Variants in NDRG3 observed in about 807,000 individuals in gnomAD.
NDRG3 encodes the protein protein NDRG3.
NDRG3 carries 23 observed loss-of-function variants against 57.2 expected under a neutral mutation model. The observed-to-expected ratio is 0.40, with a 90% CI of 0.29 to 0.57. The LOEUF is 0.57. NDRG3 is among the 20% of genes least tolerant of loss of function. The pLI is 0.42. For synonymous variants in NDRG3, 132 were observed against 162.6 expected (o/e 0.81, Z 1.43); for missense variants, 384 against 457.3 (o/e 0.84, Z 1.46).
chr20:36,673,488 C>T (rs922319386), intron 8 of NDRG3, among the ~76,000 whole-genome samples: 2 of 151,902 alleles, frequency 1.3e-5, no homozygotes, highest in Non-Finnish European at 2.9e-5. Context: ...GTCACTGCAA[C>T]CTCCACCTCC....
intron 5 of NDRG3, among the ~76,000 whole-genome samples, chr20:36,685,524 T>C (rs1388363928): frequency 6.6e-6 from 1 of 152,144 alleles, no homozygotes; most frequent in African/African-American, 2.4e-5. Flanking sequence ...TTGCCAGGGC[T>C]GGTCTTGAAT....
chr20:36,725,020 G>A (rs1984835844), intron 1 of NDRG3, among the ~76,000 whole-genome samples: 1 of 152,126 alleles, frequency 6.6e-6, no homozygotes, highest in Admixed American at 6.6e-5. Flanking sequence ...AATCGGCCGG[G>A]CGCAGTGGCT....
intron 12 of NDRG3, among the ~76,000 whole-genome samples, 158 bp from the exon 13 acceptor site, chr20:36,660,542 T>A (rs1010470009): frequency 6.8e-6 from 1 of 147,378 alleles, no homozygotes; most frequent in African/African-American, 2.5e-5. Context: ...GGAGATATAT[T>A]TATTTATTTA....
intron 1 of NDRG3, among the ~76,000 whole-genome samples, chr20:36,739,909 C>CAAAAAA (rs774462877): frequency 4.8e-5 from 2 of 41,588 alleles, no homozygotes; most frequent in African/African-American, 8.1e-5. Flanking sequence ...GACTCCGTCT[C>CAAAAAA]AAAAAAAAAA....
chr20:36,719,328 G>A (rs1401349603), intron 2 of NDRG3, among the ~76,000 whole-genome samples: 4 of 150,690 alleles, frequency 2.7e-5, no homozygotes, highest in Non-Finnish European at 4.4e-5. Context: ...TTGGGAGGCT[G>A]AAGCAGGAGA....
chr20:36,711,132 A>G (rs2148177479), intron 2 of NDRG3, among the ~76,000 whole-genome samples: 1 of 150,376 alleles, frequency 6.6e-6, no homozygotes, highest in East Asian at 2.0e-4. Context: ...AAAAAAAAAA[A>G]ATAGCCGGGC....
At chr20:36,741,382 G>A (rs1985921401) in intron 1 of NDRG3, among the ~76,000 whole-genome samples, 1 of 152,116 alleles carries the variant, frequency 6.6e-6, no homozygotes, top group Admixed American at 6.6e-5. Context: ...CTGGCATATA[G>A]CAGACACTCT....
At chr20:36,678,701 A>G (rs1482139792) in intron 8 of NDRG3, among the ~76,000 whole-genome samples, 1 of 152,214 alleles carries the variant, frequency 6.6e-6, no homozygotes, top group Non-Finnish European at 1.5e-5. Flanking sequence ...CAACAGGATT[A>G]TCTATCTATA....
chr20:36,741,125 G>A (rs1336418430), intron 1 of NDRG3, among the ~76,000 whole-genome samples: 6 of 152,188 alleles, frequency 3.9e-5, no homozygotes. Context: ...AGGCTTGTCC[G>A]TTTTCTTCCA....
At chr20:36,693,303 A>G (rs1295307446) in intron 3 of NDRG3, among the ~76,000 whole-genome samples, 1 of 149,852 alleles carries the variant, frequency 6.7e-6, no homozygotes, top group Non-Finnish European at 1.5e-5. Context: ...ATGTGCAGAG[A>G]TGTACGGGTG....
In NDRG3 at chr20:36,653,786, T is replaced by A; in HGVS notation, c.947-85A>T. ...GGAGTCTCATCAAAGTCTTTATGTT[T>A]AGCTTTTCCGACTCATTTACCATGA... On this transcript the variant is annotated intron_variant, in intron 15 of 15. Coordinates refer to ENST00000349004, the MANE Select transcript of NDRG3 (RefSeq NM_032013.4). The surrounding 1 kb of genome is among the most constrained non-coding windows in gnomAD (Gnocchi z 4.2). The A allele has an allele frequency of 1.5e-6, 2 of 1,298,744 alleles. No homozygotes were observed. The highest frequency in any genetic ancestry group is 1.1e-6 in the Non-Finnish European group (1 of 939,980). 80.5% of individuals were successfully genotyped at this position (1,298,744 alleles called of 1,614,324 possible).
intron 3 of NDRG3, among the ~76,000 whole-genome samples, chr20:36,705,451 G>C (rs1321055146): frequency 6.6e-6 from 1 of 152,038 alleles, no homozygotes; most frequent in East Asian, 1.9e-4. Context: ...ATTATAACTG[G>C]TTTGCTTATA....
intron 3 of NDRG3, among the ~76,000 whole-genome samples, chr20:36,689,581 T>A (rs1982081362): frequency 6.6e-6 from 1 of 152,138 alleles, no homozygotes; most frequent in South Asian, 2.1e-4. Context: ...GAGCTGTCCT[T>A]CTGTGTCATC....
rs1555809923 is a variant in NDRG3 at position 36,746,082 on chromosome 20, G to GGCAGCAGCA, written c.-87_-86insTGCTGCTGC. ...CACCCGCCGTCAGTGCAGCAGCAGCGGCGGCGGCGGCGGCGGCGGCGGCGG... is the reference window on the plus strand; with the variant it reads ...CACCCGCCGTCAGTGCAGCAGCAGCGGCAGCAGCAGCGGCGGCGGCGGCGGCGGCGGCGG... On this transcript the variant is annotated 5_prime_UTR_variant, in exon 1 of 16. Coordinates refer to ENST00000349004, the MANE Select transcript of NDRG3 (RefSeq NM_032013.4). The GGCAGCAGCA allele has an allele frequency of 5.2e-5, 1 of 19,368 alleles. No homozygotes were observed. Among genetic ancestry groups the GGCAGCAGCA allele is most frequent in the African/African-American group, 3.8e-4 (1 of 2,650 alleles). The allele number at this position is 19,368 out of a possible 1,614,324, so 1.2% of individuals were successfully genotyped here.
chr20:36,700,136 T>C (rs6071949), intron 3 of NDRG3, among the ~76,000 whole-genome samples: 31,812 of 139,738 alleles, frequency 0.23, 4,694 homozygotes, highest in Middle Eastern at 0.37. Context: ...AAAAAAAAAG[T>C]AGATGAAGGA....
At chr20:36,734,565 G>A (rs973817445) in intron 1 of NDRG3, among the ~76,000 whole-genome samples, 2 of 152,088 alleles carry the variant, frequency 1.3e-5, no homozygotes, top group East Asian at 1.9e-4. Context: ...GGGGAGATAA[G>A]GTCTATAAAC....
At chr20:36,679,819 T>G (rs1468755980) in intron 8 of NDRG3, among the ~76,000 whole-genome samples, 1 of 149,404 alleles carries the variant, frequency 6.7e-6, no homozygotes, top group Admixed American at 6.7e-5. Flanking sequence ...GTAATTTATT[T>G]ATTTATTTAT....
chr20:36,682,040 G>A (rs1006690741), intron 7 of NDRG3, among the ~76,000 whole-genome samples: 7 of 151,992 alleles, frequency 4.6e-5, no homozygotes, highest in African/African-American at 1.2e-4. Context: ...TTATATTCAC[G>A]ATAGAAAATT....
intron 8 of NDRG3, among the ~76,000 whole-genome samples, chr20:36,673,525 G>A (rs929690687): frequency 3.3e-5 from 5 of 151,668 alleles, no homozygotes; most frequent in African/African-American, 7.3e-5. Context: ...TTCAACCTCA[G>A]CTCCCGAGTA....
Sources: gnomAD v4.1 joint callset for allele counts (sites outside exome capture counted in the v4.1 genomes callset) on GRCh38, gnomAD v4.1.1 for gene constraint, Gnocchi (gnomAD v3.1) non-coding constraint, MANE v1.5 for transcripts, NCBI Gene and HGNC (gene_info 2026-07-23, HGNC 2026-07-21) for gene names.